The following LRMDA variants were observed in gnomAD, a reference collection of about 807,000 sequenced individuals.
The protein encoded by LRMDA is leucine rich melanocyte differentiation associated, also known as leucine-rich melanocyte differentiation-associated protein.
In LRMDA, 18 loss-of-function variants were observed where a neutral mutation model predicts 29.8. The ratio of observed to expected loss-of-function variants is 0.60; its 90% CI spans 0.42 to 0.90. The LOEUF is 0.90. Among genes scored for constraint, LRMDA ranks in the 40% least tolerant of loss-of-function variants. The pLI, the probability that LRMDA is intolerant of heterozygous loss-of-function variation, is 0.00. For synonymous variants in LRMDA, 125 were observed against 109.4 expected, an observed-to-expected ratio of 1.14 and a Z score of -0.89; for missense variants, 273 against 273.9, an observed-to-expected ratio of 1.00 and a Z score of 0.02.
At chr10:76,177,311 T>C (rs113425590) in intron 5 of LRMDA, among the ~76,000 whole-genome samples, 103 of 152,298 alleles carry the variant, frequency 6.8e-4, no homozygotes, top group African/African-American at 2.4e-3. Context: ...TTAACTTTAA[T>C]ATCTGATCAC....
chr10:75,439,986 G>T (rs1844309567), intron 2 of LRMDA, among the ~76,000 whole-genome samples: 1 of 151,866 alleles, frequency 6.6e-6, no homozygotes, highest in South Asian at 2.1e-4. Context: ...TGAGTAGTTA[G>T]TGGGAGCCGG....
chr10:76,039,435 T>A (rs1848305800), intron 3 of LRMDA, among the ~76,000 whole-genome samples: 1 of 152,224 alleles, frequency 6.6e-6, no homozygotes, highest in South Asian at 2.1e-4. Flanking sequence ...TTAGCTTTAT[T>A]TTAAATTTTT....
At chr10:76,380,004 A>G (rs1841569861) in intron 6 of LRMDA, among the ~76,000 whole-genome samples, 1 of 152,174 alleles carries the variant, frequency 6.6e-6, no homozygotes. Context: ...TCATTTCCAC[A>G]TACTTGTATA....
intron 2 of LRMDA, among the ~76,000 whole-genome samples, chr10:75,512,057 CT>C (rs1845231992): frequency 6.6e-6 from 1 of 152,224 alleles, no homozygotes; most frequent in South Asian, 2.1e-4. Flanking sequence ...GTAGTAGGTT[CT>C]CACTTGGCAA....
chr10:75,690,774 C>G (rs956199835), intron 2 of LRMDA, among the ~76,000 whole-genome samples: 1 of 151,300 alleles, frequency 6.6e-6, no homozygotes, highest in Admixed American at 6.6e-5. Context: ...CCTGGTCTTG[C>G]ATTATAGCAA....
intron 2 of LRMDA, among the ~76,000 whole-genome samples, chr10:75,695,279 C>T (rs530154763): frequency 1.2e-3 from 177 of 152,098 alleles, no homozygotes; most frequent in African/African-American, 4.0e-3. Flanking sequence ...TTCTTAACAC[C>T]ATTTCCCCAA....
intron 2 of LRMDA, among the ~76,000 whole-genome samples, chr10:76,026,470 G>A (rs1848064300): frequency 6.6e-6 from 1 of 152,192 alleles, no homozygotes; most frequent in Non-Finnish European, 1.5e-5. Context: ...CAAAGTCTAT[G>A]AGTCTATAAG....
chr10:75,774,160 T>A (rs1448683043), intron 2 of LRMDA, among the ~76,000 whole-genome samples: 1 of 152,254 alleles, frequency 6.6e-6, no homozygotes, highest in Non-Finnish European at 1.5e-5. Context: ...CAGCACATTG[T>A]TTGACAGTTC....
intron 5 of LRMDA, among the ~76,000 whole-genome samples, chr10:76,067,680 C>A (rs1848806956): frequency 6.6e-6 from 1 of 152,124 alleles, no homozygotes; most frequent in African/African-American, 2.4e-5. Context: ...CCTCCCAATT[C>A]TTTGCTTTGA....
intron 2 of LRMDA, among the ~76,000 whole-genome samples, chr10:75,534,040 C>G (rs1463597338): frequency 3.3e-5 from 5 of 152,122 alleles, no homozygotes; most frequent in African/African-American, 4.8e-5. Context: ...TCCTATAGAA[C>G]CCAGTTTCAA....
At chr10:76,162,886 TA>T (rs1445923546) in intron 5 of LRMDA, among the ~76,000 whole-genome samples, 1 of 152,144 alleles carries the variant, frequency 6.6e-6, no homozygotes, top group East Asian at 1.9e-4. Context: ...GCATTATTTT[TA>T]AAAGAAAGGA....
chr10:75,683,968 T>C (rs1446906901), intron 2 of LRMDA, among the ~76,000 whole-genome samples: 4 of 152,216 alleles, frequency 2.6e-5, no homozygotes, highest in Non-Finnish European at 4.4e-5. Flanking sequence ...TAGGTTTTTA[T>C]GGATCTGATT....
At chr10:76,341,632 T>C (rs1160885276) in intron 6 of LRMDA, among the ~76,000 whole-genome samples, 1 of 152,190 alleles carries the variant, frequency 6.6e-6, no homozygotes, top group African/African-American at 2.4e-5. Context: ...GAATGGCTTA[T>C]CTCTGTAATG....
intron 2 of LRMDA, among the ~76,000 whole-genome samples, chr10:75,697,976 A>T (rs532933744): frequency 6.6e-6 from 1 of 152,282 alleles, no homozygotes; most frequent in African/African-American, 2.4e-5. Context: ...CTTTATTTAA[A>T]TTAATACACT....
intron 6 of LRMDA, among the ~76,000 whole-genome samples, chr10:76,443,200 A>G (rs969310327): frequency 6.6e-6 from 1 of 152,200 alleles, no homozygotes; most frequent in African/African-American, 2.4e-5. Context: ...ACAGATGTGT[A>G]CAGTTTCAAA....
chr10:76,236,796 A>G (rs1449247514), intron 5 of LRMDA, among the ~76,000 whole-genome samples: 1 of 152,264 alleles, frequency 6.6e-6, no homozygotes, highest in Non-Finnish European at 1.5e-5. Context: ...AATAAAGTAC[A>G]AAGGGTTACA....
chr10:76,437,799 T>G (rs1375252948), intron 6 of LRMDA, among the ~76,000 whole-genome samples: 1 of 152,232 alleles, frequency 6.6e-6, no homozygotes, highest in Non-Finnish European at 1.5e-5. Flanking sequence ...GGGTCAGTCC[T>G]GCTTCTTCCA....
At chr10:75,968,406 G>T (rs1693693972) in intron 2 of LRMDA, among the ~76,000 whole-genome samples, 1 of 152,194 alleles carries the variant, frequency 6.6e-6, no homozygotes, top group Non-Finnish European at 1.5e-5. Context: ...TGCAAGGGCT[G>T]TACCATGGCA....
intron 6 of LRMDA, among the ~76,000 whole-genome samples, chr10:76,468,791 G>A (rs1217132298): frequency 6.6e-6 from 1 of 152,150 alleles, no homozygotes; most frequent in African/African-American, 2.4e-5. Flanking sequence ...GCATCCTGAA[G>A]ATACGATAGT....
Sources: allele counts gnomAD v4.1 joint callset (sites outside exome capture counted in the v4.1 genomes callset), GRCh38; gene constraint gnomAD v4.1.1; transcripts MANE v1.5; gene names NCBI Gene and HGNC (gene_info 2026-07-23, HGNC 2026-07-21).